CSMD1: variants seen among roughly 807,000 people sequenced by gnomAD.
CSMD1 encodes the protein CUB and sushi domain-containing protein 1.
In CSMD1, 213 loss-of-function variants were observed where a neutral mutation model predicts 417.5. That is an observed-to-expected ratio of 0.51 (90% confidence interval 0.46 to 0.57). CSMD1 has a LOEUF of 0.57. Among genes scored for constraint, CSMD1 ranks in the 20% least tolerant of loss-of-function variants. CSMD1 has a pLI of 0.00. For synonymous variants in CSMD1, 2,862 were observed against 1,736.8 expected, an observed-to-expected ratio of 1.65 and a Z score of -16.11; for missense variants, 6,923 against 4,529.7, an observed-to-expected ratio of 1.53 and a Z score of -15.17.
At chr8:4,600,621 G>A (rs1408991652) in intron 2 of CSMD1, among the ~76,000 whole-genome samples, 1 of 152,102 alleles carries the variant, frequency 6.6e-6, no homozygotes, top group Non-Finnish European at 1.5e-5. Context: ...CCTTATTTGT[G>A]AAATTAAATA....
intron 6 of CSMD1, among the ~76,000 whole-genome samples, chr8:3,746,214 C>A (rs1403269605): frequency 6.6e-6 from 1 of 152,182 alleles, no homozygotes; most frequent in Non-Finnish European, 1.5e-5. Context: ...ATGCTGAAAG[C>A]CAGAATAAGT....
chr8:3,478,823 G>C (rs1443726222), intron 11 of CSMD1, among the ~76,000 whole-genome samples: 1 of 152,154 alleles, frequency 6.6e-6, no homozygotes, highest in Non-Finnish European at 1.5e-5. Context: ...TATCTAAGAA[G>C]GCAGAACCTG....
chr8:4,288,360 A>T (rs1797175785), intron 3 of CSMD1, among the ~76,000 whole-genome samples: 2 of 152,284 alleles, frequency 1.3e-5, no homozygotes, highest in South Asian at 4.1e-4. Flanking sequence ...GCAAACCTTA[A>T]TGATTCCAGA....
intron 5 of CSMD1, among the ~76,000 whole-genome samples, chr8:3,969,060 G>A (rs1812889615): frequency 6.6e-6 from 1 of 152,102 alleles, no homozygotes; most frequent in Non-Finnish European, 1.5e-5. Flanking sequence ...AGACCAGCCT[G>A]GACAACATGG....
chr8:4,721,994 C>A (rs958973335), intron 1 of CSMD1, among the ~76,000 whole-genome samples: 4 of 152,008 alleles, frequency 2.6e-5, no homozygotes, highest in Admixed American at 1.3e-4. Context: ...AGGAGAAGAA[C>A]GATGGTTATT....
chr8:4,553,450 T>A (rs1797956489), intron 2 of CSMD1, among the ~76,000 whole-genome samples: 1 of 152,094 alleles, frequency 6.6e-6, no homozygotes, highest in African/African-American at 2.4e-5. Flanking sequence ...TTTTTTTTTT[T>A]TTTTTTTTAC....
intron 5 of CSMD1, among the ~76,000 whole-genome samples, chr8:3,882,777 A>C (rs1488730101): frequency 1.3e-5 from 2 of 152,208 alleles, no homozygotes; most frequent in East Asian, 3.8e-4. Flanking sequence ...CCAAAAGCAA[A>C]ACAATGCAAA....
chr8:3,745,219 G>A (rs1014742808), intron 6 of CSMD1, among the ~76,000 whole-genome samples: 3 of 152,276 alleles, frequency 2.0e-5, no homozygotes, highest in Admixed American at 1.3e-4. Context: ...GTAGTAAATT[G>A]TAGACTATGC....
At chr8:3,654,643 G>A (rs1357844390) in intron 7 of CSMD1, among the ~76,000 whole-genome samples, 1 of 152,194 alleles carries the variant, frequency 6.6e-6, no homozygotes, top group African/African-American at 2.4e-5. Context: ...TTTGCTAGGT[G>A]TGAGAGCTCC....
rs149919990 is a variant in CSMD1, at chr8:4,022,833, AAAG to A, written c.610+9069_610+9071del. Among the ~76,000 whole-genome samples, 1,035 of 152,344 alleles carry A rather than the reference AAAG, an allele frequency of 6.8e-3. 54 individuals are homozygous for A. The East Asian group carries it at 0.13, about 20-fold the overall frequency. On this transcript the variant is annotated intron_variant, in intron 4 of 69. Transcript: ENST00000635120. ...AGAGAAACAATTCAGTGGTCTTCAG[AAAG>A]AAGAAGAGAGTTCATTCGGAGCAAG...
intron 15 of CSMD1, among the ~76,000 whole-genome samples, chr8:3,404,075 A>G (rs184630887): frequency 5.3e-5 from 8 of 152,294 alleles, no homozygotes; most frequent in African/African-American, 1.9e-4. Flanking sequence ...TTACCAGACG[A>G]TACTATAAAC....
chr8:4,487,253 T>G lies in CSMD1; in HGVS notation c.303-67188A>C, dbSNP rs191435461. Among the ~76,000 whole-genome samples the G allele has an allele frequency of 2.5e-3, 379 of 152,262 alleles. 1 individual carries two copies. The highest frequency in any genetic ancestry group is 4.2e-3 in the Non-Finnish European group (287 of 68,010). ...TTGTTACATATGTATACATGTGCCA[T>G]GCCGGTGCGGTGCACCCATTAACTC... On this transcript the variant is annotated intron_variant, in intron 2 of 69. Transcript: ENST00000635120.
chr8:3,720,729 G>A (rs1802113675), intron 6 of CSMD1, among the ~76,000 whole-genome samples: 1 of 151,990 alleles, frequency 6.6e-6, no homozygotes, highest in Admixed American at 6.6e-5. Context: ...TCTAAGCCCT[G>A]GGAGATTCAT....
intron 5 of CSMD1, among the ~76,000 whole-genome samples, chr8:3,964,486 T>C (rs1023345931): frequency 1.3e-5 from 2 of 152,202 alleles, no homozygotes; most frequent in African/African-American, 2.4e-5. Context: ...GCCGCATTTG[T>C]ATTCTCTTTC....
intron 1 of CSMD1, among the ~76,000 whole-genome samples, chr8:4,655,586 A>G (rs1456642941): frequency 2.0e-5 from 3 of 152,134 alleles, no homozygotes; most frequent in Non-Finnish European, 2.9e-5. Flanking sequence ...TTATTTTTCA[A>G]AAAACTTCTG....
intron 5 of CSMD1, among the ~76,000 whole-genome samples, chr8:3,794,332 G>C (rs1227411447): frequency 1.3e-5 from 2 of 152,112 alleles, no homozygotes; most frequent in Non-Finnish European, 2.9e-5. Context: ...TGATTTTTAA[G>C]CTGAGTAAAC....
At chr8:3,089,248 T>C (rs1814758084) in intron 48 of CSMD1, among the ~76,000 whole-genome samples, 2 of 152,182 alleles carry the variant, frequency 1.3e-5, no homozygotes, top group East Asian at 1.9e-4. Flanking sequence ...GGTACCCAGG[T>C]GAGAGAAGAC....
At chr8:4,600,010 C>G (rs1800499127) in intron 2 of CSMD1, among the ~76,000 whole-genome samples, 1 of 152,138 alleles carries the variant, frequency 6.6e-6, no homozygotes, top group Non-Finnish European at 1.5e-5. Flanking sequence ...AAATGAAAGT[C>G]TAGGGTTGGT....
intron 1 of CSMD1, among the ~76,000 whole-genome samples, chr8:4,659,673 T>A (rs957994517): frequency 3.9e-5 from 6 of 152,140 alleles, no homozygotes; most frequent in Non-Finnish European, 8.8e-5. Flanking sequence ...TTAATGAGTA[T>A]GGGGTTTCCT....
Sources: allele counts gnomAD v4.1 joint callset (sites outside exome capture counted in the v4.1 genomes callset), GRCh38; gene constraint gnomAD v4.1.1; transcripts MANE v1.5; gene names NCBI Gene and HGNC (gene_info 2026-07-23, HGNC 2026-07-21).